Variants in FRMD4A observed in about 807,000 individuals in gnomAD.
FRMD4A encodes FERM domain-containing protein 4A.
A neutral mutation model predicts 129.1 loss-of-function variants in FRMD4A; 29 were observed. The ratio of observed to expected loss-of-function variants is 0.22; its 90% CI spans 0.17 to 0.31. The LOEUF (loss-of-function observed/expected upper bound fraction) is 0.31. Among genes scored for constraint, FRMD4A ranks in the 10% least tolerant of loss-of-function variants. The pLI, the probability that FRMD4A is intolerant of heterozygous loss-of-function variation, is 1.00. For synonymous variants in FRMD4A, 634 were observed against 571.6 expected, an observed-to-expected ratio of 1.11 and a Z score of -1.56; for missense variants, 1,272 against 1,375.8, an observed-to-expected ratio of 0.92 and a Z score of 1.19.
intron 4 of FRMD4A, among the ~76,000 whole-genome samples, chr10:13,804,320 T>C (rs1214009264): frequency 6.6e-6 from 1 of 152,206 alleles, no homozygotes; most frequent in African/African-American, 2.4e-5. Context: ...AAAATTGCTT[T>C]TCTATTTTGT....
chr10:14,006,654 C>T (rs865932528), intron 2 of FRMD4A, among the ~76,000 whole-genome samples: 1 of 152,110 alleles, frequency 6.6e-6, no homozygotes, highest in African/African-American at 2.4e-5. Context: ...ATTCACACTT[C>T]CATGTTAGCA....
At chr10:13,728,570 A>ATTTTTTTT (rs1386167455) in intron 12 of FRMD4A, among the ~76,000 whole-genome samples, 31 of 28,662 alleles carry the variant, frequency 1.1e-3, no homozygotes, top group Middle Eastern at 0.033. Context: ...GGTGATTACC[A>ATTTTTTTT]TTCTTTTTTT....
chr10:13,977,130 G>C (rs1420403309), intron 2 of FRMD4A, among the ~76,000 whole-genome samples: 1 of 152,188 alleles, frequency 6.6e-6, no homozygotes, highest in African/African-American at 2.4e-5. Context: ...AGAGTGAGAG[G>C]GAAAGGCAGA....
intron 4 of FRMD4A, among the ~76,000 whole-genome samples, chr10:13,809,108 C>T (rs2093404515): frequency 6.6e-6 from 1 of 152,208 alleles, no homozygotes; most frequent in Non-Finnish European, 1.5e-5. Flanking sequence ...GCACCCCCTG[C>T]TGTGACGTGT....
intron 2 of FRMD4A, among the ~76,000 whole-genome samples, chr10:13,956,271 G>C (rs1050880504): frequency 6.6e-6 from 1 of 152,060 alleles, no homozygotes; most frequent in Non-Finnish European, 1.5e-5. Flanking sequence ...TCGTGCCTCC[G>C]CCTCCTGGGT....
chr10:13,693,672 G>C (rs755028501), intron 15 of FRMD4A: 134 of 665,216 alleles, frequency 2.0e-4, no homozygotes, highest in Middle Eastern at 5.0e-4. Context: ...TGCACTGCGT[G>C]GTTCTACTGA....
chr10:14,111,086 C>T (rs1321406036), intron 2 of FRMD4A, among the ~76,000 whole-genome samples: 1 of 152,134 alleles, frequency 6.6e-6, no homozygotes, highest in African/African-American at 2.4e-5. Flanking sequence ...AAGTAATCGC[C>T]TAAACATTTT....
At chr10:14,002,527 A>T (rs181047542) in intron 2 of FRMD4A, among the ~76,000 whole-genome samples, 1 of 152,304 alleles carries the variant, frequency 6.6e-6, no homozygotes, top group East Asian at 1.9e-4. Flanking sequence ...TTGCTCACTG[A>T]CAGTTTATAT....
chr10:14,138,886 T>C (rs1839688171), intron 2 of FRMD4A, among the ~76,000 whole-genome samples: 1 of 152,244 alleles, frequency 6.6e-6, no homozygotes, highest in South Asian at 2.1e-4. Flanking sequence ...GGAACATTTT[T>C]CTACTGTTTG....
intron 2 of FRMD4A, among the ~76,000 whole-genome samples, chr10:14,108,640 A>T (rs1837709312): frequency 6.6e-6 from 1 of 152,214 alleles, no homozygotes; most frequent in South Asian, 2.1e-4. Flanking sequence ...GACTGGGGAA[A>T]TGGTTTGCTT....
intron 2 of FRMD4A, among the ~76,000 whole-genome samples, chr10:14,265,959 T>C (rs1844963361): frequency 6.6e-6 from 1 of 152,100 alleles, no homozygotes; most frequent in African/African-American, 2.4e-5. Context: ...CCTTATCACA[T>C]AGAGTCATGA....
chr10:14,269,295 G>A (rs1221733723), intron 2 of FRMD4A, among the ~76,000 whole-genome samples: 2 of 152,196 alleles, frequency 1.3e-5, no homozygotes, highest in Non-Finnish European at 2.9e-5. Context: ...ATCCATGGTT[G>A]TATTCATTGT....
intron 8 of FRMD4A, among the ~76,000 whole-genome samples, chr10:13,761,069 CAA>C (rs2092053921): frequency 6.6e-6 from 1 of 152,158 alleles, no homozygotes; most frequent in South Asian, 2.1e-4. Context: ...AAATAAATGA[CAA>C]GTTTGCAGTT....
intron 2 of FRMD4A, among the ~76,000 whole-genome samples, chr10:14,019,834 T>A (rs561979853): frequency 3.3e-5 from 5 of 152,192 alleles, no homozygotes; most frequent in African/African-American, 1.2e-4. Flanking sequence ...CAGATTTGAG[T>A]CTGATACTGG....
intron 2 of FRMD4A, among the ~76,000 whole-genome samples, chr10:14,035,188 G>A (rs1201469659): frequency 6.6e-6 from 1 of 152,138 alleles, no homozygotes; most frequent in Non-Finnish European, 1.5e-5. Flanking sequence ...TGAGGCGGGT[G>A]GATCGCCTGA....
chr10:14,009,095 A>T (rs2095672228), intron 2 of FRMD4A, among the ~76,000 whole-genome samples: 2 of 152,220 alleles, frequency 1.3e-5, no homozygotes. Flanking sequence ...TTCATCCATC[A>T]CGTCTGTCAA....
intron 3 of FRMD4A, among the ~76,000 whole-genome samples, chr10:13,857,480 T>G (rs1409404150): frequency 1.3e-5 from 2 of 152,206 alleles, no homozygotes; most frequent in Non-Finnish European, 2.9e-5. Flanking sequence ...TAGTGTCATG[T>G]GCTTATGAGC....
intron 2 of FRMD4A, among the ~76,000 whole-genome samples, chr10:14,269,252 G>A (rs1392507226): frequency 6.6e-6 from 1 of 152,220 alleles, no homozygotes; most frequent in East Asian, 1.9e-4. Context: ...AGTTGTATTT[G>A]AAACTGGCTG....
chr10:14,205,272 C>T (rs1363150344), intron 2 of FRMD4A, among the ~76,000 whole-genome samples: 1 of 152,126 alleles, frequency 6.6e-6, no homozygotes, highest in African/African-American at 2.4e-5. Context: ...TACTCCATAG[C>T]CACATGTAGC....
Sources: gnomAD v4.1 joint callset for allele counts (sites outside exome capture counted in the v4.1 genomes callset) on GRCh38, gnomAD v4.1.1 for gene constraint, MANE v1.5 for transcripts, NCBI Gene and HGNC (gene_info 2026-07-23, HGNC 2026-07-21) for gene names.